The following FSIP2 variants were observed in gnomAD, a reference collection of about 807,000 sequenced individuals.
FSIP2 encodes fibrous sheath interacting protein 2, also known as fibrous sheath-interacting protein 2.
Under a neutral mutation model 510.5 loss-of-function variants are expected in FSIP2, and 367 were observed. That is an observed-to-expected ratio of 0.72 (90% CI 0.66 to 0.78). The LOEUF (loss-of-function observed/expected upper bound fraction) is 0.78, where lower values mean the gene tolerates loss of function less well. Among genes scored for constraint, FSIP2 ranks in the 30% least tolerant of loss-of-function variants. The pLI, the probability that FSIP2 is intolerant of heterozygous loss-of-function variation, is 0.00. For missense variants in FSIP2, 7,594 were observed against 7,901.7 expected (o/e 0.96, Z 1.48); for synonymous variants, 2,601 against 2,732.2 (o/e 0.95, Z 1.50).
chr2:185,782,782 T>C lies in FSIP2; in HGVS notation c.1469+20T>C, dbSNP rs1205025633. On this transcript the variant is annotated intron_variant, in intron 14 of 22. Transcript: ENST00000424728. Reference sequence around the variant, plus strand: ...AAATATGTAAGTACCTAAGGAATTATATATAATCATAACTAATTTTAATGA... The same window carrying C: ...AAATATGTAAGTACCTAAGGAATTACATATAATCATAACTAATTTTAATGA... 10 of 1,214,190 alleles carry C rather than the reference T, an allele frequency of 8.2e-6. No individual in the cohort carries two copies. The Middle Eastern group carries it at 6.5e-4, about 79-fold the overall frequency. 75.2% of individuals were successfully genotyped at this position (1,214,190 alleles called of 1,614,324 possible).
At chr2:185,817,821 G>A (rs569894884) in intron 19 of FSIP2, among the ~76,000 whole-genome samples, 1 of 151,998 alleles carries the variant, frequency 6.6e-6, no homozygotes, top group South Asian at 2.1e-4. Flanking sequence ...ATTGTAGGTA[G>A]ACAAAGAACT....
intron 14 of FSIP2, chr2:185,783,551 A>ATAAT (rs997267674): frequency 1.6e-4 from 25 of 152,168 alleles, no homozygotes; most frequent in African/African-American, 6.0e-4. Flanking sequence ...GCTTCCTGAA[A>ATAAT]TAATAATTTT....
At position 185,833,135 on chromosome 2, in the gene FSIP2, C is replaced by CA. The variant is rs1183275760; in HGVS notation, c.20638dup (p.Met6880AsnfsTer13). On this transcript the variant is annotated frameshift_variant, in exon 23 of 23. Coordinates refer to ENST00000424728, the MANE Select transcript of FSIP2 (RefSeq NM_173651.4). LOFTEE classifies it low-confidence loss of function (END_TRUNC). ...TCCAAACAAGGATCTAAAATGCTGACAAAAATGTCTTCAACTTTGTCAAAG... is the reference window on the plus strand; with the variant it reads ...TCCAAACAAGGATCTAAAATGCTGACAAAAAATGTCTTCAACTTTGTCAAAG... 5.6e-6 allele frequency: 9 copies of CA among 1,610,044 alleles called. No homozygotes were observed. Among genetic ancestry groups the CA allele is most frequent in the African/African-American group, 2.7e-5 (2 of 74,814 alleles).
chr2:185,781,874 G>C (rs2105594777), intron 13 of FSIP2, among the ~76,000 whole-genome samples: 2 of 148,348 alleles, frequency 1.3e-5, no homozygotes, highest in South Asian at 4.2e-4. Context: ...GTCTTGCTCT[G>C]TCACCCAGGC....
intron 13 of FSIP2, among the ~76,000 whole-genome samples, chr2:185,780,566 C>G (rs1692826428): frequency 6.7e-6 from 1 of 149,488 alleles, no homozygotes; most frequent in Non-Finnish European, 1.5e-5. Flanking sequence ...CTTTCAAAAC[C>G]CTTCTTTATA....
chr2:185,739,553 A>C, intron 2 of FSIP2, 82 bp downstream of exon 2: 2 of 1,224,372 alleles, frequency 1.6e-6, no homozygotes, highest in Non-Finnish European at 2.1e-6. Context: ...TACAAAATTC[A>C]TTAAAGGAAT....
upstream of FSIP2, chr2:185,738,511 AT>A (rs1416896906): frequency 1.7e-5 from 20 of 1,195,314 alleles, no homozygotes; most frequent in Non-Finnish European, 2.3e-5. Context: ...TCACTCGGGA[AT>A]TTTTATTGAA....
chr2:185,749,611 T>A (rs937005551), intron 7 of FSIP2, among the ~76,000 whole-genome samples: 3 of 151,872 alleles, frequency 2.0e-5, no homozygotes, highest in African/African-American at 7.2e-5. Flanking sequence ...TTTCTTCTGA[T>A]GAGTTCCTTT....
In FSIP2 at chr2:185,792,546, C is replaced by G. The variant is rs188365373; in HGVS notation, c.5410C>G (p.His1804Asp). 2 of 1,531,056 alleles carry G rather than the reference C, an allele frequency of 1.3e-6. No homozygotes were observed. The highest frequency in any genetic ancestry group is 1.7e-6 in the Non-Finnish European group (2 of 1,143,032). 94.8% of individuals were successfully genotyped at this position (1,531,056 alleles called of 1,614,324 possible). Residue 1804 changes from histidine (H) to aspartate (D), a missense_variant, in exon 16 of 23, where the codon CAC becomes GAC. Transcript: ENST00000424728. The stretch of plus-strand genomic sequence containing the variant: ...TCAATTAAATGTCCTTTCTCTCTCC[C>G]ACTCTAATTTTAATGGCATGCCTCA... ...INQLNVLSLS[H>D]SNFNGMPHNV...
rs1486141367 is a variant in FSIP2 at position 185,801,127 on chromosome 2, G to T, written c.11821G>T (p.Val3941Leu). The change falls in exon 17 of 23, where the codon GTG becomes TTG. Residue 3941 changes from valine to leucine, a missense_variant. By Grantham distance (32) the Val-to-Leu change is conservative (BLOSUM62 1). Coordinates refer to ENST00000424728, the MANE Select transcript of FSIP2 (RefSeq NM_173651.4). ...NKHCAVKSSS[V>L]SPFERQRTKE... ...GCATTGTGCAGTAAAATCCTCTTCTGTGTCACCTTTTGAAAGACAGAGAAC... is the reference window on the plus strand; with the variant it reads ...GCATTGTGCAGTAAAATCCTCTTCTTTGTCACCTTTTGAAAGACAGAGAAC... 5.9e-6 allele frequency: 9 copies of T among 1,533,606 alleles called. No homozygotes were observed. Among genetic ancestry groups the T allele is most frequent in the Non-Finnish European group, 7.9e-6 (9 of 1,145,476 alleles). 95.0% of individuals were successfully genotyped at this position (1,533,606 alleles called of 1,614,324 possible).
At chr2:185,756,384 C>G in intron 9 of FSIP2, 106 bp downstream of exon 9, 1 of 412,492 alleles carries the variant, frequency 2.4e-6, no homozygotes. Flanking sequence ...ATCCTGTTTT[C>G]TTTTTATCAA....
chr2:185,784,157 G>C (rs1199163880), intron 14 of FSIP2: 1 of 152,090 alleles, frequency 6.6e-6, no homozygotes, highest in Non-Finnish European at 1.5e-5. Flanking sequence ...TGTTACAAAA[G>C]ATTTATAAAA....
intron 13 of FSIP2, among the ~76,000 whole-genome samples, chr2:185,778,383 GA>G (rs1173870850): frequency 6.6e-6 from 1 of 151,968 alleles, no homozygotes; most frequent in Non-Finnish European, 1.5e-5. Context: ...AACAGTATGT[GA>G]AACTTAATTG....
intron 3 of FSIP2, among the ~76,000 whole-genome samples, chr2:185,743,562 T>A (rs1691967309): frequency 6.6e-6 from 1 of 152,180 alleles, no homozygotes; most frequent in Non-Finnish European, 1.5e-5. Context: ...CAAAGATATA[T>A]TATTTTCCCA....
intron 13 of FSIP2, among the ~76,000 whole-genome samples, chr2:185,780,255 A>G (rs898457934): frequency 4.6e-5 from 7 of 151,706 alleles, no homozygotes; most frequent in African/African-American, 1.7e-4. Flanking sequence ...CTCTTTCTAT[A>G]TTGCCTCTCT....
At chr2:185,760,894 T>C (rs562305944) in intron 9 of FSIP2, 94 bp from the exon 10 acceptor site, 1 of 510,362 alleles carries the variant, frequency 2.0e-6, no homozygotes, top group East Asian at 3.1e-5. Context: ...AATTAAATAA[T>C]TAAATAGATA....
rs1249783037 is a variant in FSIP2 at position 185,804,144 on chromosome 2, T to C, written c.14838T>C (p.Ser4946=). The change falls in exon 17 of 23, where the codon TCT becomes TCC. Residue 4946 remains serine (S), a synonymous_variant. Transcript: ENST00000424728. ...QRELSFIVNS[S]VFLEEVISEL... ...AATTATCTTTTATTGTGAACTCATC[T>C]GTCTTTTTGGAGGAAGTAATTTCTG... is the stretch of plus-strand genomic sequence containing the variant. 5 of 1,514,552 alleles carry C rather than the reference T, an allele frequency of 3.3e-6. No homozygotes were observed. In the East Asian group the frequency reaches 1.2e-4, roughly 37 times the overall value. The allele number at this position is 1,514,552 out of a possible 1,614,324, so 93.8% of individuals were successfully genotyped here.
chr2:185,766,726 T>C (rs1369824353), intron 13 of FSIP2, among the ~76,000 whole-genome samples: 2 of 149,940 alleles, frequency 1.3e-5, no homozygotes, highest in African/African-American at 2.4e-5. Context: ...GGTGGGACTG[T>C]AAACTAGTTC....
chr2:185,802,477 G>A lies in FSIP2; in HGVS notation c.13171G>A (p.Val4391Ile), dbSNP rs374104562. 68 of 1,533,700 alleles carry A rather than the reference G, an allele frequency of 4.4e-5. No individual in the cohort carries two copies. In the African/African-American group the frequency reaches 6.3e-4, roughly 14 times the overall value. The change falls in exon 17 of 23, where the codon GTT becomes ATT. Residue 4391 changes from valine to isoleucine, a missense_variant. Physicochemically the swap from Val to Ile is conservative, Grantham distance 29. Coordinates refer to ENST00000424728, the MANE Select transcript of FSIP2 (RefSeq NM_173651.4). ...ALKQHGLDLA[V>I]DKESEDSGIF... is the part of the protein sequence containing the mutation. ...AAAGCAGCATGGGCTAGACCTTGCT[G>A]TTGATAAAGAGTCTGAAGACAGTGG... is the stretch of plus-strand genomic sequence containing the variant.
Sources: gnomAD v4.1 joint callset for allele counts (sites outside exome capture counted in the v4.1 genomes callset) on GRCh38, gnomAD v4.1.1 for gene constraint, MANE v1.5 for transcripts, NCBI Gene and HGNC (gene_info 2026-07-23, HGNC 2026-07-21) for gene names.